Variants in MBD5 observed in about 807,000 individuals in gnomAD.
The protein encoded by MBD5 is methyl-CpG-binding domain protein 5.
Under a neutral mutation model 117.3 loss-of-function variants are expected in MBD5, and 13 were observed. The observed-to-expected ratio is 0.11, with a 90% CI of 0.07 to 0.18. The LOEUF is 0.18. Ranked by LOEUF, MBD5 falls within the 10% of genes least tolerant of loss-of-function variation. MBD5 has a pLI of 1.00. For synonymous variants in MBD5, 727 were observed against 766.4 expected (o/e 0.95, Z 0.85); for missense variants, 1,879 against 2,093.8 (o/e 0.90, Z 2.00).
chr2:148,098,775 G>C (rs530630627), intron 1 of MBD5, among the ~76,000 whole-genome samples: 102 of 152,246 alleles, frequency 6.7e-4, no homozygotes, highest in African/African-American at 2.4e-3. Context: ...GAGAGGCCAG[G>C]TGTGGTGGCT....
chr2:148,159,304 T>TTTGTTG (rs529416379), intron 1 of MBD5, among the ~76,000 whole-genome samples: 14 of 152,014 alleles, frequency 9.2e-5, no homozygotes, highest in Admixed American at 3.9e-4. Context: ...TTATACTTGT[T>TTTGTTG]TTGTTGTTGT....
chr2:148,375,072 A>G (rs759674232), intron 4 of MBD5, among the ~76,000 whole-genome samples: 20 of 152,312 alleles, frequency 1.3e-4, no homozygotes, highest in Non-Finnish European at 2.6e-4. Flanking sequence ...CTCATATTTT[A>G]GCATCTTCTC....
chr2:148,223,739 G>T (rs185803324), intron 2 of MBD5, among the ~76,000 whole-genome samples: 60 of 151,842 alleles, frequency 4.0e-4, no homozygotes, highest in African/African-American at 1.3e-3. Flanking sequence ...TTTATGCTCT[G>T]CTCTTTATTT....
chr2:148,057,625 C>T (rs1465931765), intron 1 of MBD5, among the ~76,000 whole-genome samples: 1 of 151,660 alleles, frequency 6.6e-6, no homozygotes, highest in Non-Finnish European at 1.5e-5. Flanking sequence ...TCTTAGAAAC[C>T]CATACTGCAA....
intron 2 of MBD5, among the ~76,000 whole-genome samples, chr2:148,187,316 A>C (rs1417403102): frequency 3.3e-5 from 5 of 149,668 alleles, no homozygotes; most frequent in Admixed American, 6.6e-5. Context: ...ACCCCCCCCA[A>C]AAAAAAAACC....
At chr2:148,367,581 G>T (rs1341252484) in intron 4 of MBD5, among the ~76,000 whole-genome samples, 1 of 152,056 alleles carries the variant, frequency 6.6e-6, no homozygotes, top group East Asian at 1.9e-4. Flanking sequence ...CTATCTATCT[G>T]ACAAAGGGCT....
At chr2:148,085,796 A>G (rs924448024) in intron 1 of MBD5, among the ~76,000 whole-genome samples, 2 of 152,234 alleles carry the variant, frequency 1.3e-5, no homozygotes, top group African/African-American at 4.8e-5. Flanking sequence ...AACCATCCAT[A>G]TAAAGACACT....
intron 1 of MBD5, among the ~76,000 whole-genome samples, chr2:148,106,244 C>G (rs138822651): frequency 1.3e-5 from 2 of 151,492 alleles, no homozygotes; most frequent in African/African-American, 4.8e-5. Flanking sequence ...TTGGGGTGTT[C>G]GTGTAGTTCT....
In MBD5 at chr2:148,387,083, C is replaced by G. The variant is rs920744634; in HGVS notation, c.-557+44747C>G. On this transcript the variant is annotated intron_variant, in intron 4 of 13. Transcript: ENST00000642680. ...ACATCTATATCAAACCCTTAATAGC[C>G]AAACCAGCCAAAGACAGCAAGAGAA... 6.6e-5 allele frequency among the ~76,000 whole-genome samples: 10 copies of G among 152,200 alleles called. No homozygotes were observed. In the East Asian group the frequency reaches 1.7e-3, roughly 26 times the overall value.
chr2:148,425,174 A>T (rs1034325988), intron 4 of MBD5, among the ~76,000 whole-genome samples: 1 of 152,156 alleles, frequency 6.6e-6, no homozygotes, highest in African/African-American at 2.4e-5. Context: ...AGAATCAACT[A>T]GACACAATAA....
chr2:148,259,447 A>G (rs118068454), intron 3 of MBD5, among the ~76,000 whole-genome samples: 1 of 152,176 alleles, frequency 6.6e-6, no homozygotes, highest in African/African-American at 2.4e-5. Flanking sequence ...CACAGCTGCC[A>G]CCGTGTATCA....
At position 148,483,784 on chromosome 2, in the gene MBD5, G is replaced by A; in HGVS notation, c.3193G>A (p.Asp1065Asn). ...CCCTTTACCAAGCTTTGCAGGCAGT[G>A]ACACTACTTTTAACCCCCTGTTCCT... ...GNPLPSFAGS[D>N]TTFNPLFLPA... Residue 1065 changes from aspartate to asparagine, a missense_variant, in exon 9 of 14, where the codon GAC becomes AAC. Transcript: ENST00000642680. 1 of 1,550,570 alleles carries A rather than the reference G, an allele frequency of 6.4e-7. No individual in the cohort carries two copies. Among genetic ancestry groups the A allele is most frequent in the Non-Finnish European group, 8.7e-7 (1 of 1,146,988 alleles).
At chr2:148,111,472 G>A (rs1696502124) in intron 1 of MBD5, among the ~76,000 whole-genome samples, 1 of 152,020 alleles carries the variant, frequency 6.6e-6, no homozygotes, top group Non-Finnish European at 1.5e-5. Context: ...AGGAGAATGA[G>A]AGTGAATTAT....
At chr2:148,049,665 A>T (rs1694638653) in intron 1 of MBD5, among the ~76,000 whole-genome samples, 1 of 152,144 alleles carries the variant, frequency 6.6e-6, no homozygotes, top group African/African-American at 2.4e-5. Flanking sequence ...ATTCCAGAAT[A>T]TTTCTATCTC....
At chr2:148,141,302 G>T (rs1490864869) in intron 1 of MBD5, among the ~76,000 whole-genome samples, 2 of 152,024 alleles carry the variant, frequency 1.3e-5, no homozygotes, top group Admixed American at 1.3e-4. Context: ...TCAGGTTCTT[G>T]CAATTGGAGA....
intron 1 of MBD5, among the ~76,000 whole-genome samples, chr2:148,050,453 A>G (rs1052589951): frequency 6.6e-6 from 1 of 152,094 alleles, no homozygotes; most frequent in Non-Finnish European, 1.5e-5. Context: ...AGTTCTTTAT[A>G]CATTTTGGAT....
At chr2:148,275,675 A>G (rs1701089726) in intron 3 of MBD5, among the ~76,000 whole-genome samples, 1 of 152,154 alleles carries the variant, frequency 6.6e-6, no homozygotes, top group African/African-American at 2.4e-5. Flanking sequence ...AATTACCTTC[A>G]CAGCAACATT....
rs1003382275 is a variant in MBD5 at position 148,395,077 on chromosome 2, G to A, written c.-557+52741G>A. Reference sequence around the variant, plus strand: ...TAAGAGAAAAGGTGAGTTAGTATAAGGATACCAGTGGACCATACCTGGAAA... The same window carrying A: ...TAAGAGAAAAGGTGAGTTAGTATAAAGATACCAGTGGACCATACCTGGAAA... On this transcript the variant is annotated intron_variant, in intron 4 of 13. Transcript: ENST00000642680. Among the ~76,000 whole-genome samples the A allele has an allele frequency of 5.9e-5, 9 of 152,162 alleles. 1 individual carries two copies. Among genetic ancestry groups the A allele is most frequent in the African/African-American group, 2.2e-4 (9 of 41,438 alleles).
At chr2:148,368,250 C>T (rs1284973225) in intron 4 of MBD5, among the ~76,000 whole-genome samples, 2 of 152,132 alleles carry the variant, frequency 1.3e-5, no homozygotes, top group Admixed American at 1.3e-4. Context: ...ACCGCATGTT[C>T]TCACTCATAA....
Sources: allele counts gnomAD v4.1 joint callset (sites outside exome capture counted in the v4.1 genomes callset), GRCh38; gene constraint gnomAD v4.1.1; transcripts MANE v1.5; gene names NCBI Gene and HGNC (gene_info 2026-07-23, HGNC 2026-07-21).